The following GTF2F2 variants were observed in gnomAD, a reference collection of about 807,000 sequenced individuals.
The protein encoded by GTF2F2 is general transcription factor IIF subunit 2.
A neutral mutation model predicts 42.2 loss-of-function variants in GTF2F2; 23 were observed. The observed-to-expected ratio is 0.55, with a 90% CI of 0.39 to 0.77. The LOEUF is 0.77. Among genes scored for constraint, GTF2F2 ranks in the 30% least tolerant of loss-of-function variants. The pLI is 0.00. For synonymous variants in GTF2F2, 105 were observed against 100.8 expected (o/e 1.04, Z -0.25); for missense variants, 261 against 287.2 (o/e 0.91, Z 0.66).
intron 4 of GTF2F2, among the ~76,000 whole-genome samples, chr13:45,187,686 A>G (rs920473727): frequency 2.6e-5 from 4 of 152,276 alleles, no homozygotes; most frequent in African/African-American, 9.6e-5. Flanking sequence ...CGGCTACAGA[A>G]GAAGCCATTG....
chr13:45,245,051 G>A (rs1875516678), intron 5 of GTF2F2, among the ~76,000 whole-genome samples: 2 of 152,304 alleles, frequency 1.3e-5, no homozygotes, highest in Admixed American at 6.5e-5. Context: ...GTGTGAGACA[G>A]AAAGAGAAAC....
At chr13:45,131,875 G>A (rs1012479370) in intron 1 of GTF2F2, among the ~76,000 whole-genome samples, 1 of 140,040 alleles carries the variant, frequency 7.1e-6, no homozygotes, top group South Asian at 2.2e-4. Context: ...TCCACCCTGG[G>A]TGACAGAATG....
intron 1 of GTF2F2, among the ~76,000 whole-genome samples, chr13:45,131,007 C>T (rs537766654): frequency 6.6e-6 from 1 of 152,262 alleles, no homozygotes; most frequent in East Asian, 1.9e-4. Flanking sequence ...AATCCCAGCA[C>T]TTTGGGAGGC....
At chr13:45,195,086 A>G (rs764786870) in intron 4 of GTF2F2, among the ~76,000 whole-genome samples, 1 of 152,122 alleles carries the variant, frequency 6.6e-6, no homozygotes, top group Non-Finnish European at 1.5e-5. Context: ...GGTGTATACA[A>G]TTTTCTTTCC....
chr13:45,156,930 G>A (rs1462730386), intron 4 of GTF2F2, among the ~76,000 whole-genome samples: 3 of 152,170 alleles, frequency 2.0e-5, no homozygotes, highest in African/African-American at 2.4e-5. Context: ...GCTTTAACAA[G>A]CAAAGGCTTA....
At chr13:45,174,159 T>C (rs908240024) in intron 4 of GTF2F2, among the ~76,000 whole-genome samples, 1 of 152,216 alleles carries the variant, frequency 6.6e-6, no homozygotes, top group Admixed American at 6.5e-5. Context: ...AAAGCTGTTG[T>C]GAACATTTGT....
intron 6 of GTF2F2, among the ~76,000 whole-genome samples, chr13:45,259,258 C>T (rs1195905843): frequency 1.3e-5 from 2 of 152,148 alleles, no homozygotes; most frequent in Admixed American, 1.3e-4. Flanking sequence ...AAAACCCCGT[C>T]TCTACTAAAA....
At position 45,131,896 on chromosome 13, in the gene GTF2F2, T is replaced by C. The variant is rs1593445574; in HGVS notation, c.67-4837T>C. Among the ~76,000 whole-genome samples, 3 of 46,286 alleles carry C rather than the reference T, an allele frequency of 6.5e-5. No homozygotes were observed. In the South Asian group the frequency reaches 1.6e-3, roughly 25 times the overall value. 30.4% of individuals were successfully genotyped at this position (46,286 alleles called of 152,430 possible). A position where few individuals can be genotyped will look rare whatever the true frequency, so the allele number is the denominator to read the frequency against. On this transcript the variant is annotated intron_variant, in intron 1 of 7. Coordinates refer to ENST00000340473, the MANE Select transcript of GTF2F2 (RefSeq NM_004128.3). ...CTGGGTGACAGAATGAGACCCTGTC[T>C]CAAAAAAAAAAAAAAAAAAAAAAAA...
chr13:45,171,877 T>C (rs1871617037), intron 4 of GTF2F2, among the ~76,000 whole-genome samples: 2 of 152,042 alleles, frequency 1.3e-5, no homozygotes, highest in East Asian at 1.9e-4. Flanking sequence ...TTTTTTTTTT[T>C]TTTTACTTAG....
At chr13:45,169,667 C>T (rs573230011) in intron 4 of GTF2F2, among the ~76,000 whole-genome samples, 2 of 152,178 alleles carry the variant, frequency 1.3e-5, no homozygotes, top group South Asian at 2.1e-4. Context: ...AAGAAAACAG[C>T]ACAAATCATA....
intron 4 of GTF2F2, among the ~76,000 whole-genome samples, chr13:45,170,745 C>A (rs1871555240): frequency 6.6e-6 from 1 of 152,106 alleles, no homozygotes; most frequent in Non-Finnish European, 1.5e-5. Flanking sequence ...TCTGAGAGAA[C>A]CATCATGAGA....
In GTF2F2 at chr13:45,212,528, C is replaced by T. The variant is rs1000944215; in HGVS notation, c.386+5023C>T. ...CTTTCTTTTCTTTCTTTCTCTTTCT[C>T]TCTTTCTCACTTTCTCTCTCTCTCT... On this transcript the variant is annotated intron_variant, in intron 5 of 7. Transcript: ENST00000340473. 8.1e-5 allele frequency among the ~76,000 whole-genome samples: 8 copies of T among 99,108 alleles called. 1 individual carries two copies. The highest frequency in any genetic ancestry group is 1.7e-4 in the Non-Finnish European group (8 of 47,220). The allele number at this position is 99,108 out of a possible 152,430, so 65.0% of individuals were successfully genotyped here.
At chr13:45,196,739 C>T (rs888713815) in intron 4 of GTF2F2, among the ~76,000 whole-genome samples, 2 of 152,142 alleles carry the variant, frequency 1.3e-5, no homozygotes, top group South Asian at 2.1e-4. Flanking sequence ...GGGTCTGCTT[C>T]CTTACACCCT....
intron 6 of GTF2F2, among the ~76,000 whole-genome samples, chr13:45,266,827 C>T (rs955647435): frequency 2.0e-5 from 3 of 152,152 alleles, no homozygotes; most frequent in Admixed American, 6.5e-5. Flanking sequence ...TCGAAACTTA[C>T]GATCTAGTCG....
chr13:45,154,410 A>G, intron 4 of GTF2F2, among the ~76,000 whole-genome samples: 1 of 152,170 alleles, frequency 6.6e-6, no homozygotes, highest in Non-Finnish European at 1.5e-5. Context: ...AGTGTTCTCT[A>G]AAGGGAATGT....
chr13:45,168,007 TATG>T (rs1871380393), intron 4 of GTF2F2, among the ~76,000 whole-genome samples: 2 of 152,264 alleles, frequency 1.3e-5, no homozygotes, highest in African/African-American at 4.8e-5. Context: ...ACTTAATGAC[TATG>T]ATGATTTGAC....
chr13:45,143,210 C>G (rs758968791), intron 2 of GTF2F2, among the ~76,000 whole-genome samples: 1 of 152,104 alleles, frequency 6.6e-6, no homozygotes. Flanking sequence ...ACTACTGATT[C>G]CTAGAGGCAG....
chr13:45,154,068 A>G (rs1334509636), intron 4 of GTF2F2, among the ~76,000 whole-genome samples: 2 of 151,722 alleles, frequency 1.3e-5, no homozygotes, highest in Non-Finnish European at 2.9e-5. Flanking sequence ...AGATCTGTTG[A>G]ACGTGTGAGG....
intron 6 of GTF2F2, among the ~76,000 whole-genome samples, chr13:45,266,413 G>A (rs1335057745): frequency 1.3e-5 from 2 of 152,104 alleles, no homozygotes; most frequent in African/African-American, 4.8e-5. Context: ...ACAGGGTCAG[G>A]ATGAGAAAAG....
Sources: gnomAD v4.1 joint callset for allele counts (sites outside exome capture counted in the v4.1 genomes callset) on GRCh38, gnomAD v4.1.1 for gene constraint, MANE v1.5 for transcripts, NCBI Gene and HGNC (gene_info 2026-07-23, HGNC 2026-07-21) for gene names.